The following ASTN2 variants were observed in gnomAD, a reference collection of about 807,000 sequenced individuals.
ASTN2 encodes astrotactin-2.
Under a neutral mutation model 139.8 loss-of-function variants are expected in ASTN2, and 54 were observed. The observed-to-expected ratio is 0.39, with a 90% CI of 0.31 to 0.48. The LOEUF is 0.48. Ranked by LOEUF, ASTN2 falls within the 20% of genes least tolerant of loss-of-function variation. The probability of loss-of-function intolerance (pLI) is 0.95; values close to 1 mark genes in which losing one functional copy is unlikely to be tolerated. For synonymous variants in ASTN2, 756 were observed against 719.5 expected, an observed-to-expected ratio of 1.05 and a Z score of -0.81; for missense variants, 1,565 against 1,725.1, an observed-to-expected ratio of 0.91 and a Z score of 1.64.
intron 10 of ASTN2, among the ~76,000 whole-genome samples, chr9:116,875,818 T>C (rs947108587): frequency 1.2e-4 from 19 of 152,242 alleles, no homozygotes; most frequent in African/African-American, 4.6e-4. Flanking sequence ...AAAGCCTGAA[T>C]GACAGCACAT....
At chr9:117,219,582 G>T (rs1311287458) in intron 2 of ASTN2, among the ~76,000 whole-genome samples, 1 of 152,200 alleles carries the variant, frequency 6.6e-6, no homozygotes, top group African/African-American at 2.4e-5. Context: ...GGCTGAGGAA[G>T]TCACTGCAAG....
intron 3 of ASTN2, among the ~76,000 whole-genome samples, chr9:117,163,852 G>A (rs1830608414): frequency 6.6e-6 from 1 of 151,818 alleles, no homozygotes; most frequent in African/African-American, 2.4e-5. Flanking sequence ...CTTTTCATAG[G>A]TGCAATGATG....
intron 13 of ASTN2, among the ~76,000 whole-genome samples, chr9:116,781,644 C>T (rs1428399054): frequency 6.6e-6 from 1 of 152,158 alleles, no homozygotes; most frequent in African/African-American, 2.4e-5. Flanking sequence ...TCATTAGAAA[C>T]TCACTGGGGC....
intron 1 of ASTN2, among the ~76,000 whole-genome samples, chr9:117,396,356 T>G (rs1196966441): frequency 6.6e-6 from 1 of 152,218 alleles, no homozygotes; most frequent in Non-Finnish European, 1.5e-5. Flanking sequence ...CAGCTATGAA[T>G]GCTTACACTG....
chr9:117,294,664 C>G (rs1309149530), intron 1 of ASTN2, among the ~76,000 whole-genome samples: 1 of 152,182 alleles, frequency 6.6e-6, no homozygotes, highest in Non-Finnish European at 1.5e-5. Flanking sequence ...GTCTCCTTGC[C>G]CATGTTACTG....
intron 7 of ASTN2, among the ~76,000 whole-genome samples, chr9:117,002,900 G>A (rs1232397134): frequency 1.3e-5 from 2 of 152,160 alleles, no homozygotes; most frequent in African/African-American, 4.8e-5. Flanking sequence ...TAGGTGGGAG[G>A]GCCCCTTCAT....
intron 5 of ASTN2, among the ~76,000 whole-genome samples, chr9:117,085,583 C>T (rs1828540241): frequency 6.6e-6 from 1 of 152,150 alleles, no homozygotes; most frequent in South Asian, 2.1e-4. Flanking sequence ...GTTGGTGGTG[C>T]CCTGGGACGG....
chr9:117,006,468 C>G (rs1247004366), intron 7 of ASTN2, among the ~76,000 whole-genome samples: 1 of 152,130 alleles, frequency 6.6e-6, no homozygotes, highest in Non-Finnish European at 1.5e-5. Flanking sequence ...AGGGTATACT[C>G]TTAAATGTAT....
intron 10 of ASTN2, among the ~76,000 whole-genome samples, chr9:116,868,826 C>G (rs1342124355): frequency 2.0e-5 from 3 of 152,228 alleles, no homozygotes; most frequent in Admixed American, 2.0e-4. Context: ...AGTTTCAGGA[C>G]TCCTGCCTCT....
intron 1 of ASTN2, among the ~76,000 whole-genome samples, chr9:117,373,979 T>A (rs2130917102): frequency 6.6e-6 from 1 of 152,254 alleles, no homozygotes; most frequent in African/African-American, 2.4e-5. Context: ...ACGCTTAAAT[T>A]TTTTACAACA....
intron 13 of ASTN2, among the ~76,000 whole-genome samples, chr9:116,742,431 T>C (rs1024634667): frequency 6.6e-6 from 1 of 152,242 alleles, no homozygotes; most frequent in Non-Finnish European, 1.5e-5. Context: ...AGAGTTCAGA[T>C]GGGAGTGCCT....
Position 116,918,819 on chromosome 9 carries a change from T to C in ASTN2, c.1890-55086A>G, listed in dbSNP as rs576093621. Among the ~76,000 whole-genome samples, 8 of 152,322 alleles carry C rather than the reference T, an allele frequency of 5.3e-5. No individual in the cohort carries two copies. In the South Asian group the frequency reaches 1.7e-3, roughly 32 times the overall value. On this transcript the variant is annotated intron_variant, in intron 10 of 22. Transcript: ENST00000313400. ...TTACAGTCTTATAAACATAAGTCTATATAGTTAACAAAATTTTAAAAAGCA... is the reference window on the plus strand; with the variant it reads ...TTACAGTCTTATAAACATAAGTCTACATAGTTAACAAAATTTTAAAAAGCA...
At chr9:117,052,561 T>C (rs1463438846) in intron 5 of ASTN2, among the ~76,000 whole-genome samples, 1 of 151,952 alleles carries the variant, frequency 6.6e-6, no homozygotes, top group Non-Finnish European at 1.5e-5. Context: ...CCAATACATA[T>C]AAATTCTGTT....
At chr9:116,948,120 C>G (rs1179324445) in intron 10 of ASTN2, among the ~76,000 whole-genome samples, 1 of 152,130 alleles carries the variant, frequency 6.6e-6, no homozygotes, top group Non-Finnish European at 1.5e-5. Context: ...TCAAGTGGTC[C>G]ATGATTTTGA....
chr9:116,962,491 A>T (rs1237619136), intron 10 of ASTN2, among the ~76,000 whole-genome samples: 1 of 152,148 alleles, frequency 6.6e-6, no homozygotes, highest in Non-Finnish European at 1.5e-5. Context: ...GTATTACTTG[A>T]TGTCTTCAGG....
Position 117,414,518 on chromosome 9 carries a change from C to T in ASTN2, c.421G>A (p.Glu141Lys), listed in dbSNP as rs764391655. 1.9e-6 allele frequency: 3 copies of T among 1,609,212 alleles called. No individual in the cohort carries two copies. Among genetic ancestry groups the T allele is most frequent in the Admixed American group, 1.7e-5 (1 of 59,920 alleles). Residue 141 changes from glutamate (E) to lysine (K), a missense_variant, in exon 1 of 23, where the codon GAG (glutamate) becomes AAG (lysine). Coordinates refer to ENST00000313400, the MANE Select transcript of ASTN2 (RefSeq NM_001365068.1). This position sits in a 1 kb window ranked among gnomAD's most constrained non-coding sequence, Gnocchi z 4.2. The stretch of plus-strand genomic sequence containing the variant: ...TTACCCAGGGTGAAGAAGGGCAGCT[C>T]GGTGTTGTCCAGGTCGTCCTGCACC... ...IAVQDDLDNT[E>K]LPFFTLEMSG...
chr9:116,531,529 C>A (rs918821706), intron 19 of ASTN2, among the ~76,000 whole-genome samples: 2 of 136,378 alleles, frequency 1.5e-5, no homozygotes, highest in Non-Finnish European at 3.2e-5. Context: ...CCCCACCCCA[C>A]GACAGGCCCC....
intron 15 of ASTN2, among the ~76,000 whole-genome samples, chr9:116,727,172 C>T (rs1828651528): frequency 6.6e-6 from 1 of 152,058 alleles, no homozygotes; most frequent in Non-Finnish European, 1.5e-5. Flanking sequence ...CTACTGTCTG[C>T]ACTTTCAACA....
intron 1 of ASTN2, among the ~76,000 whole-genome samples, chr9:117,365,404 C>G (rs993550127): frequency 1.3e-5 from 2 of 152,092 alleles, no homozygotes; most frequent in African/African-American, 4.8e-5. Flanking sequence ...ACTTCCACAT[C>G]TCAGGTTTCA....
Sources: gnomAD v4.1 joint callset for allele counts (sites outside exome capture counted in the v4.1 genomes callset) on GRCh38, gnomAD v4.1.1 for gene constraint, Gnocchi (gnomAD v3.1) non-coding constraint, MANE v1.5 for transcripts, NCBI Gene and HGNC (gene_info 2026-07-23, HGNC 2026-07-21) for gene names.